IL1RAPL2: variants seen among roughly 807,000 people sequenced by gnomAD.
The protein encoded by IL1RAPL2 is X-linked interleukin-1 receptor accessory protein-like 2.
In IL1RAPL2, 3 loss-of-function variants were observed where a neutral mutation model predicts 44.1. That is an observed-to-expected ratio of 0.07 (90% CI 0.03 to 0.18). The LOEUF (loss-of-function observed/expected upper bound fraction) is 0.18. IL1RAPL2 is among the 10% of genes least tolerant of loss of function. The probability of loss-of-function intolerance (pLI) is 1.00; values close to 1 mark genes in which losing one functional copy is unlikely to be tolerated. For synonymous variants in IL1RAPL2, 181 were observed against 178.8 expected (o/e 1.01, Z -0.10); for missense variants, 391 against 496.4 (o/e 0.79, Z 2.02).
At chrX:105,209,042 T>C (rs919025200) in intron 3 of IL1RAPL2, among the ~76,000 whole-genome samples, 12 of 111,865 alleles carry the variant, frequency 1.1e-4, no homozygotes, top group Non-Finnish European at 2.3e-4. Flanking sequence ...GTTTTACCAA[T>C]AGAAATAGAT....
At chrX:105,061,889 T>G (rs761312742) in intron 2 of IL1RAPL2, among the ~76,000 whole-genome samples, 2 of 112,258 alleles carry the variant, frequency 1.8e-5, no homozygotes, top group South Asian at 7.4e-4. Context: ...GCATGGAATA[T>G]CTTTTTCCAT....
At chrX:104,776,939 A>G (rs988387150) in intron 2 of IL1RAPL2, among the ~76,000 whole-genome samples, 1 of 111,785 alleles carries the variant, frequency 8.9e-6, no homozygotes, top group East Asian at 2.8e-4. Context: ...CATCCAGGAT[A>G]ATACATTTCA....
chrX:104,951,612 A>G (rs973226883), intron 2 of IL1RAPL2, among the ~76,000 whole-genome samples: 1 of 112,750 alleles, frequency 8.9e-6, no homozygotes, highest in African/African-American at 3.2e-5. Context: ...TTCAACAAAC[A>G]TTTACTCTGG....
At chrX:104,806,650 C>A in intron 2 of IL1RAPL2, among the ~76,000 whole-genome samples, 1 of 112,848 alleles carries the variant, frequency 8.9e-6, no homozygotes, top group South Asian at 3.7e-4. Flanking sequence ...ACAACACTTG[C>A]CATGGGGCTG....
chrX:104,709,766 G>A (rs753479635), intron 2 of IL1RAPL2, among the ~76,000 whole-genome samples: 400 of 111,050 alleles, frequency 3.6e-3, no homozygotes, highest in Non-Finnish European at 5.7e-3. Flanking sequence ...TCAGATATTA[G>A]TATCCAGAAT....
At chrX:105,207,980 C>T (rs1486045052) in intron 3 of IL1RAPL2, among the ~76,000 whole-genome samples, 3 of 111,605 alleles carry the variant, frequency 2.7e-5, no homozygotes, top group East Asian at 5.7e-4. Context: ...CTTATAGAAT[C>T]GTGCTTGCTT....
At chrX:105,231,362 G>A (rs1303238658) in intron 3 of IL1RAPL2, among the ~76,000 whole-genome samples, 1 of 110,910 alleles carries the variant, frequency 9.0e-6, no homozygotes, top group East Asian at 2.8e-4. Flanking sequence ...CAAATTATCC[G>A]GGTCATACTT....
chrX:105,317,820 G>T (rs2034856304), intron 5 of IL1RAPL2, among the ~76,000 whole-genome samples: 1 of 110,880 alleles, frequency 9.0e-6, no homozygotes, highest in Non-Finnish European at 1.9e-5. Context: ...CTACTTCTGT[G>T]AGGTAGCTAC....
At position 105,358,647 on chromosome X, in the gene IL1RAPL2, C is replaced by T. The variant is rs7053925; in HGVS notation, c.697+91106C>T. ...CTGTGTTCACACCACTGCACTCCAG[C>T]CTGGGCAATAGAGTGAGACCCTGTC... On this transcript the variant is annotated intron_variant, in intron 5 of 10. Coordinates refer to ENST00000372582, the MANE Select transcript of IL1RAPL2 (RefSeq NM_017416.2). Among the ~76,000 whole-genome samples, 422 of 100,424 alleles carry T rather than the reference C, an allele frequency of 4.2e-3. 4 individuals carry two copies. The highest frequency in any genetic ancestry group is 0.015 in the African/African-American group (398 of 26,179). 87.2% of individuals were successfully genotyped at this position (100,424 alleles called of 115,157 possible).
chrX:104,932,238 A>G (rs1023406825), intron 2 of IL1RAPL2, among the ~76,000 whole-genome samples: 21 of 109,235 alleles, frequency 1.9e-4, no homozygotes, highest in African/African-American at 6.7e-4. Flanking sequence ...ACCTCAGGAG[A>G]TCCATCCCCC....
chrX:105,312,292 C>A (rs2147682090), intron 5 of IL1RAPL2, among the ~76,000 whole-genome samples: 1 of 112,042 alleles, frequency 8.9e-6, no homozygotes, highest in Admixed American at 9.5e-5. Flanking sequence ...AGCCTATTCT[C>A]TTTTATTGGA....
chrX:105,409,530 C>A (rs1408297171), intron 5 of IL1RAPL2, among the ~76,000 whole-genome samples: 1 of 110,230 alleles, frequency 9.1e-6, no homozygotes, highest in Non-Finnish European at 1.9e-5. Flanking sequence ...TAAGTGCCAC[C>A]CAGATGAACA....
chrX:104,938,183 T>G (rs936967232), intron 2 of IL1RAPL2, among the ~76,000 whole-genome samples: 3 of 112,530 alleles, frequency 2.7e-5, no homozygotes, highest in Admixed American at 9.4e-5. Flanking sequence ...ATATTTATTT[T>G]GGGCAGGAAG....
intron 2 of IL1RAPL2, among the ~76,000 whole-genome samples, chrX:104,722,904 T>C (rs1462532032): frequency 2.7e-5 from 3 of 111,632 alleles, no homozygotes; most frequent in African/African-American, 9.8e-5. Flanking sequence ...TGAAATATAT[T>C]GTTGCCAGTA....
chrX:105,414,351 C>T (rs1319463978), intron 5 of IL1RAPL2, among the ~76,000 whole-genome samples: 1 of 111,579 alleles, frequency 9.0e-6, no homozygotes, highest in Non-Finnish European at 1.9e-5. Flanking sequence ...TGGTCTCACA[C>T]TCCTGACCTT....
intron 2 of IL1RAPL2, among the ~76,000 whole-genome samples, chrX:104,982,626 A>G (rs1216613377): frequency 9.0e-6 from 1 of 111,562 alleles, no homozygotes; most frequent in Non-Finnish European, 1.9e-5. Flanking sequence ...AACAGAAAAC[A>G]AACAGAAAAA....
At chrX:104,605,872 C>A (rs747573944) in intron 1 of IL1RAPL2, among the ~76,000 whole-genome samples, 17 of 111,717 alleles carry the variant, frequency 1.5e-4, no homozygotes, top group Non-Finnish European at 3.2e-4. Context: ...GGATTCACAG[C>A]CAAATTCTAC....
chrX:105,486,967 C>T (rs1358397147), intron 6 of IL1RAPL2, among the ~76,000 whole-genome samples: 1 of 108,000 alleles, frequency 9.3e-6, no homozygotes, highest in Non-Finnish European at 1.9e-5. Context: ...TGGTAGGCAC[C>T]TGTATTCCCA....
intron 2 of IL1RAPL2, among the ~76,000 whole-genome samples, chrX:104,939,518 T>C (rs781166199): frequency 2.1e-4 from 23 of 111,826 alleles, no homozygotes; most frequent in Non-Finnish European, 4.3e-4. Flanking sequence ...TATTTTCTTA[T>C]AAGAAAGAGG....
Sources: allele counts gnomAD v4.1 joint callset (sites outside exome capture counted in the v4.1 genomes callset), GRCh38; gene constraint gnomAD v4.1.1; transcripts MANE v1.5; gene names NCBI Gene and HGNC (gene_info 2026-07-23, HGNC 2026-07-21).